The following BABAM2 variants were observed in gnomAD, a reference collection of about 807,000 sequenced individuals.
The protein encoded by BABAM2 is BRISC and BRCA1 A complex member 2, also known as BRISC and BRCA1-A complex member 2.
BABAM2 carries 31 observed loss-of-function variants against 54.7 expected under a neutral mutation model. That is an observed-to-expected ratio of 0.57 (90% confidence interval 0.43 to 0.77). The LOEUF (loss-of-function observed/expected upper bound fraction) is 0.77, where lower values mean the gene tolerates loss of function less well. Ranked by LOEUF, BABAM2 falls within the 30% of genes least tolerant of loss-of-function variation. The pLI is 0.00. For missense variants in BABAM2, 364 were observed against 455.8 expected (o/e 0.80, Z 1.83); for synonymous variants, 167 against 162.9 (o/e 1.03, Z -0.19).
chr2:28,127,958 C>A (rs1007232995), intron 6 of BABAM2, among the ~76,000 whole-genome samples: 4 of 152,030 alleles, frequency 2.6e-5, no homozygotes, highest in Non-Finnish European at 5.9e-5. Flanking sequence ...AGGTGCCCAC[C>A]ACCACGCCCG....
intron 6 of BABAM2, among the ~76,000 whole-genome samples, chr2:28,064,009 C>G (rs946708583): frequency 1.3e-5 from 2 of 152,174 alleles, no homozygotes; most frequent in African/African-American, 4.8e-5. Flanking sequence ...GCTCTTTTTA[C>G]CCCAAGAGAC....
intron 6 of BABAM2, among the ~76,000 whole-genome samples, chr2:28,051,266 T>G (rs998098681): frequency 6.6e-6 from 1 of 152,234 alleles, no homozygotes; most frequent in African/African-American, 2.4e-5. Flanking sequence ...GTCCTGCCAG[T>G]GCTGTGAGAA....
intron 7 of BABAM2, among the ~76,000 whole-genome samples, chr2:28,167,035 C>T (rs986341284): frequency 3.3e-5 from 5 of 151,914 alleles, no homozygotes; most frequent in African/African-American, 7.3e-5. Flanking sequence ...CATGAGTTGC[C>T]GATAATATAG....
chr2:28,244,913 A>G, intron 10 of BABAM2, 51 bp downstream of exon 10: 1 of 1,493,822 alleles, frequency 6.7e-7, no homozygotes, highest in Non-Finnish European at 9.3e-7. Context: ...TAAATGTCCT[A>G]AACCACATGT....
intron 3 of BABAM2, among the ~76,000 whole-genome samples, chr2:27,985,057 A>ATGTGTGTGTGTGTGTGTGTGTGTG (rs35552031): frequency 7.3e-6 from 1 of 137,410 alleles, no homozygotes; most frequent in African/African-American, 2.8e-5. Flanking sequence ...GTATTCCATG[A>ATGTGTGTGTGTGTGTGTGTGTGTG]TGTGTGTGTG....
chr2:27,889,353 T>TA (rs1664650199), upstream of BABAM2, among the ~76,000 whole-genome samples: 1 of 152,226 alleles, frequency 6.6e-6, no homozygotes, highest in Admixed American at 6.5e-5. Context: ...AATGAGGTGT[T>TA]ACTGTAGCAT....
chr2:27,978,831 C>T (rs1173885584), intron 3 of BABAM2, among the ~76,000 whole-genome samples: 6 of 152,000 alleles, frequency 3.9e-5, no homozygotes, highest in Admixed American at 3.3e-4. Flanking sequence ...TCTATTATTC[C>T]CCTCTTTGTG....
chr2:28,158,159 G>A (rs183751759), intron 7 of BABAM2, among the ~76,000 whole-genome samples: 12 of 152,224 alleles, frequency 7.9e-5, no homozygotes, highest in African/African-American at 2.4e-4. Context: ...AGGTAAAAGA[G>A]CAATGTTGTT....
intron 3 of BABAM2, among the ~76,000 whole-genome samples, chr2:27,963,469 CAAAAAA>C (rs760525051): frequency 5.5e-5 from 3 of 54,402 alleles, no homozygotes; most frequent in African/African-American, 1.9e-4. Context: ...GACTCTTTCT[CAAAAAA>C]AAAAAAAAAA....
At chr2:28,158,403 A>G (rs1672752318) in intron 7 of BABAM2, among the ~76,000 whole-genome samples, 1 of 152,240 alleles carries the variant, frequency 6.6e-6, no homozygotes, top group Admixed American at 6.5e-5. Context: ...AACACAAGAA[A>G]GTTAAAAAGT....
rs964791116 is a variant in BABAM2 at position 28,244,832 on chromosome 2, A to T, written c.904A>T (p.Met302Leu). 2 of 1,613,870 alleles carry T rather than the reference A, an allele frequency of 1.2e-6. No individual in the cohort carries two copies. The highest frequency in any genetic ancestry group is 2.7e-5 in the African/African-American group (2 of 74,896). ...EGFTKLTLLL[M>L]WKDFCFLVHI... ...CTTTACAAAACTCACTCTGCTGCTGATGTGGAAAGATTTTTGTTTTCTTGT... is the reference window on the plus strand; with the variant it reads ...CTTTACAAAACTCACTCTGCTGCTGTTGTGGAAAGATTTTTGTTTTCTTGT... Residue 302 changes from methionine (M) to leucine (L), a missense_variant, in exon 10 of 12, where the codon ATG becomes TTG. Coordinates refer to ENST00000379624, the MANE Select transcript of BABAM2 (RefSeq NM_199191.3).
chr2:28,163,019 G>A (rs1046479155), intron 7 of BABAM2, among the ~76,000 whole-genome samples: 6 of 152,126 alleles, frequency 3.9e-5, no homozygotes, highest in Admixed American at 6.6e-5. Context: ...TCCCAATTCT[G>A]TAGAAAATCA....
At chr2:27,974,519 A>G (rs1040752629) in intron 3 of BABAM2, among the ~76,000 whole-genome samples, 1 of 152,206 alleles carries the variant, frequency 6.6e-6, no homozygotes, top group Non-Finnish European at 1.5e-5. Flanking sequence ...TGATCATATC[A>G]ATGGATGCAG....
intron 11 of BABAM2, among the ~76,000 whole-genome samples, chr2:28,301,116 C>T (rs1410324204): frequency 1.3e-5 from 2 of 152,178 alleles, no homozygotes; most frequent in African/African-American, 2.4e-5. Flanking sequence ...TTTCTTTGTC[C>T]TGTGAAAATA....
In BABAM2 at chr2:27,999,812, A is replaced by G. The variant is rs138538671; in HGVS notation, c.300+11725A>G. On this transcript the variant is annotated intron_variant, in intron 4 of 11. Coordinates refer to ENST00000379624, the MANE Select transcript of BABAM2 (RefSeq NM_199191.3). ...GGAGTCAGACTTTTATTATACATTT[A>G]AAAAGAATGTGTAGTTGCTTGCTGA... 3.5e-3 allele frequency among the ~76,000 whole-genome samples: 529 copies of G among 152,310 alleles called. 1 individual carries two copies. Among genetic ancestry groups the G allele is most frequent in the African/African-American group, 0.012 (505 of 41,564 alleles).
chr2:28,019,843 A>G (rs1394222921), intron 4 of BABAM2, among the ~76,000 whole-genome samples: 1 of 152,188 alleles, frequency 6.6e-6, no homozygotes, highest in Non-Finnish European at 1.5e-5. Flanking sequence ...ATTCTGTTCC[A>G]TTAGCCTATG....
intron 1 of BABAM2, among the ~76,000 whole-genome samples, chr2:27,891,337 C>T: frequency 6.6e-6 from 1 of 152,160 alleles, no homozygotes; most frequent in East Asian, 1.9e-4. Context: ...CCGTGTTTGT[C>T]ATCTCATTTT....
intron 2 of BABAM2, among the ~76,000 whole-genome samples, chr2:27,921,355 TAATAA>T (rs1667334877): frequency 6.6e-6 from 1 of 152,188 alleles, no homozygotes; most frequent in African/African-American, 2.4e-5. Context: ...TCTAGGTACT[TAATAA>T]AATATCATTT....
At chr2:28,204,517 T>A (rs1167168060) in intron 7 of BABAM2, among the ~76,000 whole-genome samples, 1 of 152,008 alleles carries the variant, frequency 6.6e-6, no homozygotes, top group African/African-American at 2.4e-5. Context: ...TCCTGGCTCT[T>A]TGGCCTATTT....
Sources: gnomAD v4.1 joint callset for allele counts (sites outside exome capture counted in the v4.1 genomes callset) on GRCh38, gnomAD v4.1.1 for gene constraint, MANE v1.5 for transcripts, NCBI Gene and HGNC (gene_info 2026-07-23, HGNC 2026-07-21) for gene names.